The following ACSF3 variants were observed in gnomAD, a reference collection of about 807,000 sequenced individuals.
The protein encoded by ACSF3 is malonate--CoA ligase ACSF3, mitochondrial.
A neutral mutation model predicts 53.2 loss-of-function variants in ACSF3; 78 were observed. The observed-to-expected ratio is 1.47, with a 90% CI of 1.22 to 1.77. The LOEUF is 1.77. Among genes scored for constraint, ACSF3 ranks in the 40% most tolerant of loss-of-function variants. The pLI is 0.00. For missense variants in ACSF3, 937 were observed against 771.1 expected, an observed-to-expected ratio of 1.22 and a Z score of -2.55; for synonymous variants, 414 against 333.1, an observed-to-expected ratio of 1.24 and a Z score of -2.65.
chr16:89,154,728 C>G lies in ACSF3; in HGVS notation c.*521C>G, dbSNP rs1009548820. On this transcript the variant is annotated 3_prime_UTR_variant, in exon 11 of 11. Transcript: ENST00000614302. ...GTTCACAAGCCTCCCAGAACCAGCC[C>G]TGTCCCATGGGTTCCGTGCATTTCC... is the stretch of plus-strand genomic sequence containing the variant. 2.2e-6 allele frequency: 1 copy of G among 454,224 alleles called. No homozygotes were observed. The highest frequency in any genetic ancestry group is 2.3e-5 in the Admixed American group (1 of 42,586). The allele number at this position is 454,224 out of a possible 1,614,324, so 28.1% of individuals were successfully genotyped here. A position where few individuals can be genotyped will look rare whatever the true frequency, so the allele number is the denominator to read the frequency against.
chr16:89,120,694 C>T (rs568915858), intron 6 of ACSF3, 107 bp from the exon 7 acceptor site: 6 of 1,081,856 alleles, frequency 5.5e-6, no homozygotes, highest in Admixed American at 3.4e-5. Flanking sequence ...CACAGACTCC[C>T]GCACGTGGCA....
In ACSF3 at chr16:89,156,196, C is replaced by T. The variant is rs529952723; in HGVS notation, c.*1989C>T. The stretch of plus-strand genomic sequence containing the variant: ...AAGCCCGTCCTGGAGGGAACTCATC[C>T]TCTCCTCCCTCCCCATTAAAGCCCA... On this transcript the variant is annotated 3_prime_UTR_variant, in exon 11 of 11. Coordinates refer to ENST00000614302, the MANE Select transcript of ACSF3 (RefSeq NM_001243279.3). 4.6e-5 allele frequency among the ~76,000 whole-genome samples: 7 copies of T among 152,296 alleles called. No individual in the cohort carries two copies. Among genetic ancestry groups the T allele is most frequent in the African/African-American group, 1.4e-4 (6 of 41,564 alleles).
chr16:89,147,196 AGAGT>A (rs1176141476), intron 10 of ACSF3, among the ~76,000 whole-genome samples: 2 of 48,112 alleles, frequency 4.2e-5, no homozygotes, highest in Non-Finnish European at 8.7e-5. Flanking sequence ...GAGGGTCCAC[AGAGT>A]GAGTGAGAGA....
intron 8 of ACSF3, among the ~76,000 whole-genome samples, chr16:89,142,422 A>G (rs1911947351): frequency 6.6e-6 from 1 of 152,180 alleles, no homozygotes; most frequent in South Asian, 2.1e-4. Flanking sequence ...CACTCCTGGG[A>G]GATCTCAGCA....
chr16:89,096,939 C>T (rs1281628754), intron 1 of ACSF3, among the ~76,000 whole-genome samples: 1 of 152,282 alleles, frequency 6.6e-6, no homozygotes, highest in African/African-American at 2.4e-5. Flanking sequence ...AGGCAGCGCT[C>T]TGGATTCCGC....
At chr16:89,123,093 C>T (rs143619192) in intron 7 of ACSF3, among the ~76,000 whole-genome samples, 11 of 152,158 alleles carry the variant, frequency 7.2e-5, no homozygotes, top group African/African-American at 2.7e-4. Flanking sequence ...ACAGCAGGCC[C>T]GGGAACATTT....
chr16:89,110,057 C>T (rs1167060778), intron 4 of ACSF3, among the ~76,000 whole-genome samples: 1 of 152,164 alleles, frequency 6.6e-6, no homozygotes, highest in African/African-American at 2.4e-5. Flanking sequence ...ATATTTCCTC[C>T]AACTGCAGCT....
At chr16:89,102,336 A>G (rs542097358) in intron 3 of ACSF3, 149 of 509,586 alleles carry the variant, frequency 2.9e-4, no homozygotes, top group Admixed American at 1.4e-3. Context: ...CTGCAGAGCC[A>G]CTCCCCGACC....
At chr16:89,123,235 C>A (rs1034390972) in intron 7 of ACSF3, among the ~76,000 whole-genome samples, 1 of 152,150 alleles carries the variant, frequency 6.6e-6, no homozygotes, top group Non-Finnish European at 1.5e-5. Flanking sequence ...CCTCCGACAC[C>A]TGAGATTCAG....
chr16:89,117,366 C>T (rs1905306052), intron 6 of ACSF3, among the ~76,000 whole-genome samples: 1 of 152,184 alleles, frequency 6.6e-6, no homozygotes, highest in South Asian at 2.1e-4. Flanking sequence ...GCACGGTGAC[C>T]TCTTCAATGG....
At chr16:89,136,266 C>T (rs575216494) in intron 8 of ACSF3, among the ~76,000 whole-genome samples, 9 of 152,080 alleles carry the variant, frequency 5.9e-5, no homozygotes, top group Admixed American at 1.3e-4. Context: ...TCAGCCGGGG[C>T]GGAATCACAT....
rs145040503 is a variant in ACSF3, at chr16:89,155,245, C to T, written c.*1038C>T. On this transcript the variant is annotated 3_prime_UTR_variant, in exon 11 of 11. Coordinates refer to ENST00000614302, the MANE Select transcript of ACSF3 (RefSeq NM_001243279.3). ...GGGGGAAGTAACAGTCATCGCCCAG[C>T]AGTGTCTGGCCTGAACTTACCCAGA... 5.4e-4 allele frequency: 244 copies of T among 454,166 alleles called. No individual in the cohort carries two copies. Among genetic ancestry groups the T allele is most frequent in the African/African-American group, 4.5e-3 (227 of 50,142 alleles). 28.1% of individuals were successfully genotyped at this position (454,166 alleles called of 1,614,324 possible). A position where few individuals can be genotyped will look rare whatever the true frequency, so the allele number is the denominator to read the frequency against.
chr16:89,117,924 T>TC (rs1431290496), intron 6 of ACSF3, among the ~76,000 whole-genome samples: 1 of 118,422 alleles, frequency 8.4e-6, no homozygotes, highest in Non-Finnish European at 1.8e-5. Flanking sequence ...CCGGGGATGC[T>TC]CCCTCTTCTC....
chr16:89,117,294 C>A (rs534877997), intron 6 of ACSF3, among the ~76,000 whole-genome samples: 49 of 152,354 alleles, frequency 3.2e-4, no homozygotes, highest in African/African-American at 1.1e-3. Context: ...TTTGCACTCA[C>A]ATACAAGAAC....
intron 7 of ACSF3, among the ~76,000 whole-genome samples, chr16:89,124,867 C>T (rs1907661413): frequency 6.6e-6 from 1 of 152,220 alleles, no homozygotes; most frequent in Non-Finnish European, 1.5e-5. Context: ...ATTAATTGGA[C>T]ATATTTGAGA....
Position 89,101,414 on chromosome 16 carries a change from G to A in ACSF3, c.666+67G>A. 3 of 1,547,250 alleles carry A rather than the reference G, an allele frequency of 1.9e-6. No individual in the cohort carries two copies. The South Asian group carries it at 3.6e-5, about 18-fold the overall frequency. On this transcript the variant is annotated intron_variant, in intron 3 of 10. Coordinates refer to ENST00000614302, the MANE Select transcript of ACSF3 (RefSeq NM_001243279.3). The stretch of plus-strand genomic sequence containing the variant: ...AGCACTCCGGGTGGGCTCCGGGCCA[G>A]AAGCACATCTTTTCATTCGCTTTTC...
intron 1 of ACSF3, among the ~76,000 whole-genome samples, chr16:89,094,710 T>G (rs1234673057): frequency 6.6e-6 from 1 of 152,064 alleles, no homozygotes; most frequent in Non-Finnish European, 1.5e-5. Flanking sequence ...CTGGGCAACA[T>G]GGTGAGACCC....
intron 7 of ACSF3, among the ~76,000 whole-genome samples, chr16:89,126,636 G>A (rs995383869): frequency 3.3e-5 from 5 of 152,214 alleles, no homozygotes; most frequent in African/African-American, 9.7e-5. Context: ...ATTGATTTTT[G>A]TGTGTTGGCC....
intron 6 of ACSF3, among the ~76,000 whole-genome samples, chr16:89,116,242 C>A (rs139616224): frequency 4.9e-4 from 74 of 152,278 alleles, no homozygotes; most frequent in Non-Finnish European, 9.7e-4. Context: ...GTTGAAAGTC[C>A]GTCGACTCCT....
Sources: allele counts gnomAD v4.1 joint callset (sites outside exome capture counted in the v4.1 genomes callset), GRCh38; gene constraint gnomAD v4.1.1; transcripts MANE v1.5; gene names NCBI Gene and HGNC (gene_info 2026-07-23, HGNC 2026-07-21).